The following SNX14 variants were observed in gnomAD, a reference collection of about 807,000 sequenced individuals.
The protein encoded by SNX14 is sorting nexin 14.
In SNX14, 93 loss-of-function variants were observed where a neutral mutation model predicts 133.8. The ratio of observed to expected loss-of-function variants is 0.70; its 90% confidence interval spans 0.59 to 0.83. The LOEUF is 0.83. Ranked by LOEUF, SNX14 falls within the 40% of genes least tolerant of loss-of-function variation. SNX14 has a pLI of 0.00. For missense variants in SNX14, 945 were observed against 1,094.9 expected (o/e 0.86, Z 1.93); for synonymous variants, 368 against 365.6 (o/e 1.01, Z -0.07).
At chr6:85,570,006 C>T (rs1173498798) in intron 4 of SNX14, among the ~76,000 whole-genome samples, 4 of 152,154 alleles carry the variant, frequency 2.6e-5, no homozygotes, top group African/African-American at 7.2e-5. Context: ...ATTAGTCTGG[C>T]AAACCTCTAG....
chr6:85,551,672 T>G (rs1340819817), intron 7 of SNX14, among the ~76,000 whole-genome samples: 2 of 152,218 alleles, frequency 1.3e-5, no homozygotes, highest in Non-Finnish European at 2.9e-5. Context: ...TGCAAACTGT[T>G]CCCTGAAACA....
intron 1 of SNX14, chr6:85,581,480 T>C (rs190428991): frequency 1.3e-5 from 2 of 152,108 alleles, no homozygotes; most frequent in Non-Finnish European, 2.9e-5. Flanking sequence ...AAGGGAAACA[T>C]GGCTCACCAA....
chr6:85,545,259 C>T (rs1582806194), intron 12 of SNX14, among the ~76,000 whole-genome samples: 1 of 152,086 alleles, frequency 6.6e-6, no homozygotes, highest in African/African-American at 2.4e-5. Context: ...AAAGAATATA[C>T]AGGACAAATA....
chr6:85,520,582 T>G (rs1002640696), intron 21 of SNX14, among the ~76,000 whole-genome samples: 1 of 152,018 alleles, frequency 6.6e-6, no homozygotes, highest in Non-Finnish European at 1.5e-5. Flanking sequence ...GGTCTTGAAC[T>G]TCTAAGTTCA....
intron 15 of SNX14, among the ~76,000 whole-genome samples, chr6:85,539,503 T>C (rs956006232): frequency 1.6e-4 from 25 of 152,140 alleles, no homozygotes; most frequent in Admixed American, 1.5e-3. Flanking sequence ...TGATAAATAA[T>C]ATGCATTAGA....
chr6:85,549,804 C>T lies in SNX14; in HGVS notation c.710G>A (p.Arg237Gln), dbSNP rs758630575. The change falls in exon 8 of 29, where the codon CGA (arginine) becomes CAA (glutamine). Residue 237 changes from arginine (R) to glutamine (Q), a missense_variant. Arg to Gln is a conservative substitution (Grantham distance 43). Around this residue, in one of 3 missense-constraint regions of SNX14, gnomAD observed 514 missense variants for 538.8 expected, o/e 0.95. Coordinates refer to ENST00000314673, the MANE Select transcript of SNX14 (RefSeq NM_153816.6). ...CCTTAAATAGTGCAATTCATCTCTT[C>T]GACTTCTCAAAGCAACATGAAGCTC... ...GPELHVALRS[R>Q]RDELHYLRKL... The T allele has an allele frequency of 2.5e-6, 4 of 1,613,876 alleles. No homozygotes were observed. The highest frequency in any genetic ancestry group is 2.7e-5 in the African/African-American group (2 of 74,906).
At chr6:85,562,779 A>G (rs1792153513) in intron 6 of SNX14, among the ~76,000 whole-genome samples, 1 of 151,898 alleles carries the variant, frequency 6.6e-6, no homozygotes, top group African/African-American at 2.4e-5. Flanking sequence ...TTTAGTAGAG[A>G]TGAGGTTTCA....
chr6:85,572,803 T>C (rs1292519386), intron 2 of SNX14, among the ~76,000 whole-genome samples: 18 of 151,648 alleles, frequency 1.2e-4, no homozygotes, highest in Admixed American at 8.5e-4. Flanking sequence ...CAAAAAAAAT[T>C]CAAAAATTAG....
rs1405366930 is a variant in SNX14, at chr6:85,533,731, G to A, written c.1678C>T (p.Arg560Ter). Residue 560 changes from arginine (R) to a stop codon, truncating the protein, a stop_gained, in exon 18 of 29, where the codon CGA becomes TGA. Transcript: ENST00000314673. LOFTEE classifies it high-confidence loss of function. ...VEAVSTPNTP[R>*]NLAAWKISIP... The stretch of plus-strand genomic sequence containing the variant: ...CTAATTTTCCATGCAGCAAGGTTTC[G>A]GGGAGTATTAGGTGTGCTCACAGCC... The A allele has an allele frequency of 4.3e-6, 7 of 1,613,898 alleles. No homozygotes were observed. The highest frequency in any genetic ancestry group is 2.2e-5 in the South Asian group (2 of 91,068).
chr6:85,533,801 C>T lies in SNX14; in HGVS notation c.1609-1G>A, dbSNP rs1780997180. 2 of 1,608,818 alleles carry T rather than the reference C, an allele frequency of 1.2e-6. No individual in the cohort carries two copies. The highest frequency in any genetic ancestry group is 1.7e-6 in the Non-Finnish European group (2 of 1,178,846). On this transcript the variant is annotated splice_acceptor_variant, in intron 17 of 28. Transcript: ENST00000314673. LOFTEE classifies it high-confidence loss of function. The stretch of plus-strand genomic sequence containing the variant: ...CCATTACAACAATACCTTCTTCAAT[C>T]TGGAAAAAAATTACCAGGATGAATT...
intron 6 of SNX14, among the ~76,000 whole-genome samples, chr6:85,564,094 C>T (rs1475022711): frequency 1.3e-5 from 2 of 152,194 alleles, no homozygotes; most frequent in East Asian, 1.9e-4. Context: ...CTACAAAGGA[C>T]ATGAACTCAT....
intron 21 of SNX14, among the ~76,000 whole-genome samples, chr6:85,523,273 T>C (rs551722694): frequency 3.9e-5 from 6 of 152,170 alleles, no homozygotes; most frequent in Non-Finnish European, 8.8e-5. Flanking sequence ...GTCAAACGTG[T>C]ACTTTAGGAA....
intron 17 of SNX14, 141 bp downstream of exon 17, chr6:85,536,651 G>T (rs1782041943): frequency 1.4e-6 from 1 of 700,214 alleles, no homozygotes; most frequent in Non-Finnish European, 2.2e-6. Context: ...TACAAAGGAA[G>T]TCTGAAGTAA....
chr6:85,545,048 G>A (rs994357685), intron 12 of SNX14, among the ~76,000 whole-genome samples: 2 of 152,130 alleles, frequency 1.3e-5, no homozygotes, highest in African/African-American at 4.8e-5. Flanking sequence ...AGCACAATAG[G>A]CAGGAGAGGA....
intron 1 of SNX14, among the ~76,000 whole-genome samples, chr6:85,587,496 G>A (rs577764983): frequency 8.2e-4 from 124 of 152,062 alleles, no homozygotes; most frequent in African/African-American, 2.7e-3. Flanking sequence ...ACAGAGTCTC[G>A]CTCTGTCATC....
At chr6:85,554,369 T>C (rs982964660) in intron 7 of SNX14, among the ~76,000 whole-genome samples, 1 of 152,046 alleles carries the variant, frequency 6.6e-6, no homozygotes, top group Non-Finnish European at 1.5e-5. Context: ...AGTACTTACA[T>C]AGACAACTTC....
At chr6:85,563,668 C>T (rs1007455828) in intron 6 of SNX14, among the ~76,000 whole-genome samples, 2 of 152,168 alleles carry the variant, frequency 1.3e-5, no homozygotes, top group African/African-American at 4.8e-5. Flanking sequence ...GCTGGGATTA[C>T]AGGCGTGAGC....
In SNX14 at chr6:85,537,184, G is replaced by A. The variant is rs191833630; in HGVS notation, c.1476-260C>T. Among the ~76,000 whole-genome samples, 6 of 152,158 alleles carry A rather than the reference G, an allele frequency of 3.9e-5. No homozygotes were observed. In the East Asian group the frequency reaches 1.2e-3, roughly 29 times the overall value. ...TTTATAAACACTCAAAATTTACCTA[G>A]TATTAACTTCAAAATATTAACAGGA... On this transcript the variant is annotated intron_variant, in intron 16 of 28. Transcript: ENST00000314673.
intron 7 of SNX14, among the ~76,000 whole-genome samples, chr6:85,552,777 C>T (rs549720600): frequency 6.6e-6 from 1 of 152,150 alleles, no homozygotes; most frequent in Non-Finnish European, 1.5e-5. Flanking sequence ...CTCTAACCAC[C>T]GTTCTTTGTT....
Sources: gnomAD v4.1 joint callset for allele counts (sites outside exome capture counted in the v4.1 genomes callset) on GRCh38, gnomAD v4.1.1 for gene constraint, gnomAD v4.1.1 regional missense constraint, MANE v1.5 for transcripts, NCBI Gene and HGNC (gene_info 2026-07-23, HGNC 2026-07-21) for gene names.